The following ROCK1 variants were observed in gnomAD, a reference collection of about 807,000 sequenced individuals.
ROCK1 encodes the protein Rho associated coiled-coil containing protein kinase 1.
Under a neutral mutation model 196.8 loss-of-function variants are expected in ROCK1, and 36 were observed. That is an observed-to-expected ratio of 0.18 (90% confidence interval 0.14 to 0.24). The LOEUF (loss-of-function observed/expected upper bound fraction) is 0.24, where lower values mean the gene tolerates loss of function less well. ROCK1 is among the 10% of genes least tolerant of loss of function. The pLI is 1.00. For synonymous variants in ROCK1, 443 were observed against 515.9 expected, an observed-to-expected ratio of 0.86 and a Z score of 1.91; for missense variants, 920 against 1,562.0, an observed-to-expected ratio of 0.59 and a Z score of 6.93.
intron 29 of ROCK1, among the ~76,000 whole-genome samples, chr18:20,958,039 ACACTTAAG>A (rs1384215030): frequency 3.3e-5 from 5 of 152,180 alleles, no homozygotes; most frequent in Non-Finnish European, 7.3e-5. Context: ...ACTGAAGAGA[ACACTTAAG>A]ATCTATGAAC....
At chr18:21,102,458 C>T (rs1052248455) in intron 1 of ROCK1, among the ~76,000 whole-genome samples, 11 of 152,184 alleles carry the variant, frequency 7.2e-5, no homozygotes, top group Non-Finnish European at 1.5e-4. Flanking sequence ...TTTTTACTCA[C>T]CATGGTGTTC....
intron 1 of ROCK1, among the ~76,000 whole-genome samples, chr18:21,092,093 A>G (rs1279437772): frequency 2.0e-5 from 3 of 152,212 alleles, no homozygotes; most frequent in African/African-American, 4.8e-5. Context: ...TCAGGGACCA[A>G]TTGTAAAACT....
chr18:20,984,810 G>A (rs535432884), intron 19 of ROCK1, among the ~76,000 whole-genome samples: 1 of 152,138 alleles, frequency 6.6e-6, no homozygotes, highest in African/African-American at 2.4e-5. Flanking sequence ...GTAGTACAAG[G>A]TGATTATAAA....
chr18:21,067,046 T>C (rs554369510), intron 2 of ROCK1, among the ~76,000 whole-genome samples: 1 of 152,350 alleles, frequency 6.6e-6, no homozygotes, highest in South Asian at 2.1e-4. Context: ...GTCAGCAATG[T>C]ACAGGGTTCC....
At chr18:21,082,649 T>C (rs536246203) in intron 1 of ROCK1, among the ~76,000 whole-genome samples, 16 of 151,920 alleles carry the variant, frequency 1.1e-4, no homozygotes, top group Non-Finnish European at 2.1e-4. Context: ...TAAAAAACAA[T>C]CAACAAACAG....
intron 1 of ROCK1, among the ~76,000 whole-genome samples, chr18:21,104,108 A>G (rs2036682484): frequency 6.6e-6 from 1 of 152,340 alleles, no homozygotes; most frequent in East Asian, 1.9e-4. Flanking sequence ...AGAACTCTAT[A>G]TATAATATTT....
chr18:21,059,722 A>G (rs2036272936), intron 2 of ROCK1, among the ~76,000 whole-genome samples: 2 of 152,358 alleles, frequency 1.3e-5, no homozygotes, highest in Admixed American at 1.3e-4. Flanking sequence ...ATATGTCTAC[A>G]CAAAAACTTC....
At chr18:21,015,373 A>G in intron 13 of ROCK1, 58 bp downstream of exon 13, 1 of 1,143,332 alleles carries the variant, frequency 8.7e-7, no homozygotes, top group Non-Finnish European at 1.3e-6. Flanking sequence ...AGGAAACGAA[A>G]CAATTTGAAA....
chr18:20,991,221 C>A lies in ROCK1; in HGVS notation c.2098G>T (p.Asp700Tyr). ...GCCTCTTCAATAGATTGATGTTTGT[C>A]AGTTAAACGAGCTTTGGTTACTTTG... is the stretch of plus-strand genomic sequence containing the variant. ...EHKVTKARLTDKHQSIEEAKS... is the reference protein window; with the variant it reads ...EHKVTKARLTYKHQSIEEAKS... The change falls in exon 18 of 33, where the codon GAC (aspartate) becomes TAC (tyrosine). Residue 700 changes from aspartate to tyrosine, a missense_variant. Physicochemically the swap from Asp to Tyr is radical, Grantham distance 160 (BLOSUM62 -3). Coordinates refer to ENST00000399799, the MANE Select transcript of ROCK1 (RefSeq NM_005406.3). 1 of 1,612,968 alleles carries A rather than the reference C, an allele frequency of 6.2e-7. No homozygotes were observed. The highest frequency in any genetic ancestry group is 1.1e-5 in the South Asian group (1 of 90,782).
At chr18:21,029,894 T>TA (rs2035991844) in intron 9 of ROCK1, among the ~76,000 whole-genome samples, 1 of 152,110 alleles carries the variant, frequency 6.6e-6, no homozygotes, top group Non-Finnish European at 1.5e-5. Flanking sequence ...ATCAAAATAC[T>TA]AAAAAATTAT....
chr18:21,041,759 A>G (rs1049152129), intron 8 of ROCK1, among the ~76,000 whole-genome samples: 2 of 152,106 alleles, frequency 1.3e-5, no homozygotes, highest in Non-Finnish European at 2.9e-5. Context: ...TGTGAGATGT[A>G]CTCTAATTTC....
intron 5 of ROCK1, among the ~76,000 whole-genome samples, chr18:21,044,762 A>G (rs967639947): frequency 2.6e-5 from 4 of 152,224 alleles, no homozygotes; most frequent in African/African-American, 9.6e-5. Context: ...TCAGAACACC[A>G]TTTAAAGGCT....
intron 2 of ROCK1, among the ~76,000 whole-genome samples, chr18:21,064,029 T>C (rs1173396671): frequency 6.6e-6 from 1 of 152,230 alleles, no homozygotes; most frequent in Non-Finnish European, 1.5e-5. Context: ...TCCTCTTCCT[T>C]GAACTTACTT....
chr18:21,098,587 C>A (rs754839485), intron 1 of ROCK1, among the ~76,000 whole-genome samples: 1 of 148,646 alleles, frequency 6.7e-6, no homozygotes, highest in Non-Finnish European at 1.5e-5. Context: ...AAAAATTGTG[C>A]GGCAAAGTAA....
intron 16 of ROCK1, among the ~76,000 whole-genome samples, chr18:20,998,010 T>C (rs1303596976): frequency 6.6e-6 from 1 of 152,172 alleles, no homozygotes. Flanking sequence ...CTAATTTTTG[T>C]ATTTTTAGTA....
At chr18:21,062,933 G>A (rs984043741) in intron 2 of ROCK1, among the ~76,000 whole-genome samples, 1 of 152,136 alleles carries the variant, frequency 6.6e-6, no homozygotes, top group African/African-American at 2.4e-5. Flanking sequence ...AAATGCCCCT[G>A]CTCTCATGGC....
At chr18:21,037,186 G>GAGT (rs1390018298) in intron 9 of ROCK1, among the ~76,000 whole-genome samples, 1 of 152,008 alleles carries the variant, frequency 6.6e-6, no homozygotes, top group African/African-American at 2.4e-5. Flanking sequence ...TATCTCAAAT[G>GAGT]AGTGGAAAAA....
At chr18:21,064,036 A>T (rs2036313429) in intron 2 of ROCK1, among the ~76,000 whole-genome samples, 1 of 152,192 alleles carries the variant, frequency 6.6e-6, no homozygotes, top group Non-Finnish European at 1.5e-5. Context: ...CCTTGAACTT[A>T]CTTCAATTTC....
At chr18:21,020,280 ATATT>A (rs768090445) in intron 11 of ROCK1, 41 bp from the exon 12 acceptor site, 8 of 1,049,696 alleles carry the variant, frequency 7.6e-6, no homozygotes, top group Middle Eastern at 4.9e-4. Context: ...TCTACTAAGA[ATATT>A]TAGACATTTA....
Sources: gnomAD v4.1 joint callset for allele counts (sites outside exome capture counted in the v4.1 genomes callset) on GRCh38, gnomAD v4.1.1 for gene constraint, MANE v1.5 for transcripts, NCBI Gene and HGNC (gene_info 2026-07-23, HGNC 2026-07-21) for gene names.